Variants in ADAM32 observed in about 807,000 individuals in gnomAD.
The protein encoded by ADAM32 is ADAM metallopeptidase domain 32, also known as disintegrin and metalloproteinase domain-containing protein 32.
Under a neutral mutation model 114.9 loss-of-function variants are expected in ADAM32, and 89 were observed. The observed-to-expected ratio is 0.77, with a 90% CI of 0.65 to 0.92. The LOEUF is 0.92. Among genes scored for constraint, ADAM32 ranks in the 40% least tolerant of loss-of-function variants. ADAM32 has a pLI of 0.00. For missense variants in ADAM32, 870 were observed against 932.8 expected, an observed-to-expected ratio of 0.93 and a Z score of 0.88; for synonymous variants, 285 against 307.5, an observed-to-expected ratio of 0.93 and a Z score of 0.77.
At chr8:39,181,838 G>A (rs1166372848) in intron 10 of ADAM32, among the ~76,000 whole-genome samples, 1 of 152,148 alleles carries the variant, frequency 6.6e-6, no homozygotes, top group Admixed American at 6.5e-5. Context: ...CAGTCTGTGA[G>A]ATGCAGTTAC....
intron 11 of ADAM32, among the ~76,000 whole-genome samples, chr8:39,187,258 G>T (rs1407468914): frequency 6.6e-6 from 1 of 151,076 alleles, no homozygotes; most frequent in Non-Finnish European, 1.5e-5. Flanking sequence ...ATTAGCAAAA[G>T]AATATGAAAG....
At chr8:39,249,137 C>A (rs1006642767) in intron 17 of ADAM32, among the ~76,000 whole-genome samples, 1 of 152,024 alleles carries the variant, frequency 6.6e-6, no homozygotes, top group East Asian at 1.9e-4. Context: ...ATCTCCTGAC[C>A]TCATGATCTG....
In ADAM32 at chr8:39,274,300, ATT is replaced by A; in HGVS notation, c.2202-4_2202-3del. On this transcript the variant is annotated splice_polypyrimidine_tract_variant and intron_variant, in intron 20 of 24. Coordinates refer to ENST00000379907, the MANE Select transcript of ADAM32 (RefSeq NM_145004.7). ...GTACTAACTTGAGACATTGCTTTCA[ATT>A]TTTTTTTAGATCCAGCTCAGAAGGC... 1.2e-5 allele frequency: 19 copies of A among 1,594,434 alleles called. No individual in the cohort carries two copies. The highest frequency in any genetic ancestry group is 1.6e-5 in the Non-Finnish European group (19 of 1,166,270).
intron 11 of ADAM32, among the ~76,000 whole-genome samples, chr8:39,198,079 T>G (rs1253895619): frequency 6.6e-6 from 1 of 152,044 alleles, no homozygotes; most frequent in East Asian, 1.9e-4. Flanking sequence ...ATGACTTGGT[T>G]TTTTTTATGT....
rs1813679413 is a variant in ADAM32, at chr8:39,284,862, T to G, written c.*63T>G. The G allele has an allele frequency of 3.2e-6, 5 of 1,586,410 alleles. No homozygotes were observed. In the Admixed American group the frequency reaches 6.7e-5, roughly 21 times the overall value. On this transcript the variant is annotated 3_prime_UTR_variant, in exon 25 of 25. Transcript: ENST00000379907. ...TCGCTAAGAAATGAAAATTCTGTCTTTCCTTCCGTGGTCACAGCTGAAAGA... is the reference window on the plus strand; with the variant it reads ...TCGCTAAGAAATGAAAATTCTGTCTGTCCTTCCGTGGTCACAGCTGAAAGA...
At chr8:39,147,939 A>G (rs1054562738) in intron 4 of ADAM32, among the ~76,000 whole-genome samples, 6 of 151,866 alleles carry the variant, frequency 4.0e-5, no homozygotes, top group African/African-American at 1.5e-4. Context: ...ATGCCCAGCT[A>G]ATTTTCTATC....
chr8:39,284,877 C>A lies in ADAM32; in HGVS notation c.*78C>A. The A allele has an allele frequency of 6.5e-7, 1 of 1,548,976 alleles. No individual in the cohort carries two copies. Among genetic ancestry groups the A allele is most frequent in the Non-Finnish European group, 8.9e-7 (1 of 1,124,960 alleles). On this transcript the variant is annotated 3_prime_UTR_variant, in exon 25 of 25. Coordinates refer to ENST00000379907, the MANE Select transcript of ADAM32 (RefSeq NM_145004.7). ...AATTCTGTCTTTCCTTCCGTGGTCA[C>A]AGCTGAAAGAAACAATAAATTGAGT...
intron 22 of ADAM32, 127 bp from the exon 23 acceptor site, chr8:39,281,009 C>G (rs1173039517): frequency 4.1e-6 from 1 of 241,596 alleles, no homozygotes; most frequent in Non-Finnish European, 8.0e-6. Context: ...GTCTCGATCT[C>G]CTGACCTTGT....
chr8:39,145,316 A>G (rs1461210803), intron 3 of ADAM32, among the ~76,000 whole-genome samples: 1 of 152,204 alleles, frequency 6.6e-6, no homozygotes, highest in African/African-American at 2.4e-5. Flanking sequence ...GGAACCCCAA[A>G]AGGCCCTGAA....
chr8:39,201,389 A>T (rs1352712672), intron 11 of ADAM32, among the ~76,000 whole-genome samples: 1 of 151,882 alleles, frequency 6.6e-6, no homozygotes, highest in Non-Finnish European at 1.5e-5. Flanking sequence ...CTTTGAAGCA[A>T]TTGTGAATGG....
intron 11 of ADAM32, 115 bp downstream of exon 11, chr8:39,187,160 A>T (rs1427465252): frequency 1.2e-6 from 1 of 840,494 alleles, no homozygotes; most frequent in Non-Finnish European, 1.8e-6. Context: ...CAAATTCACC[A>T]AGTATAAACA....
At chr8:39,236,876 C>A (rs1468837696) in intron 16 of ADAM32, among the ~76,000 whole-genome samples, 1 of 152,148 alleles carries the variant, frequency 6.6e-6, no homozygotes, top group Non-Finnish European at 1.5e-5. Flanking sequence ...CTTGCAGCTC[C>A]CACTTGGATG....
intron 2 of ADAM32, chr8:39,129,842 GT>G (rs1439740760): frequency 2.8e-6 from 1 of 356,178 alleles, no homozygotes; most frequent in Non-Finnish European, 5.5e-6. Context: ...TGTAATCTTT[GT>G]TATAGGTCTA....
At chr8:39,259,295 G>T (rs989373973) in intron 19 of ADAM32, among the ~76,000 whole-genome samples, 1 of 151,930 alleles carries the variant, frequency 6.6e-6, no homozygotes, top group African/African-American at 2.4e-5. Flanking sequence ...AGCTCGCCGG[G>T]TTCAAGTGAT....
intron 12 of ADAM32, among the ~76,000 whole-genome samples, chr8:39,220,683 A>C (rs1039331367): frequency 7.9e-5 from 12 of 151,964 alleles, no homozygotes; most frequent in African/African-American, 2.9e-4. Context: ...TTGATCATTC[A>C]GGAGCATGTT....
intron 16 of ADAM32, among the ~76,000 whole-genome samples, chr8:39,244,855 A>C (rs1392563574): frequency 2.0e-5 from 3 of 152,246 alleles, no homozygotes; most frequent in Non-Finnish European, 4.4e-5. Context: ...TATAATAAAA[A>C]AAAGATGTGT....
At chr8:39,201,373 T>C (rs1328055501) in intron 11 of ADAM32, among the ~76,000 whole-genome samples, 2 of 152,094 alleles carry the variant, frequency 1.3e-5, no homozygotes, top group Non-Finnish European at 2.9e-5. Flanking sequence ...CTAGGCATTT[T>C]ATTCTCTTTG....
chr8:39,218,444 C>A (rs1808735885), intron 12 of ADAM32, among the ~76,000 whole-genome samples: 1 of 152,132 alleles, frequency 6.6e-6, no homozygotes, highest in South Asian at 2.1e-4. Flanking sequence ...TTGTGTCCTC[C>A]CCTTTAGGGA....
At chr8:39,231,081 A>G (rs747062794) in intron 14 of ADAM32, among the ~76,000 whole-genome samples, 2 of 152,138 alleles carry the variant, frequency 1.3e-5, no homozygotes, top group Admixed American at 6.6e-5. Context: ...ATTAGCTTAT[A>G]TAGTAAAGGT....
Sources: allele counts gnomAD v4.1 joint callset (sites outside exome capture counted in the v4.1 genomes callset), GRCh38; gene constraint gnomAD v4.1.1; transcripts MANE v1.5; gene names NCBI Gene and HGNC (gene_info 2026-07-23, HGNC 2026-07-21).